GSE1: variants seen among roughly 807,000 people sequenced by gnomAD.
GSE1 encodes the protein genetic suppressor element 1.
In GSE1, 32 loss-of-function variants were observed where a neutral mutation model predicts 112.6. The observed-to-expected ratio is 0.28, with a 90% CI of 0.21 to 0.38. GSE1 has a LOEUF of 0.38. Among genes scored for constraint, GSE1 ranks in the 10% least tolerant of loss-of-function variants. GSE1 has a pLI of 1.00. For synonymous variants in GSE1, 1,115 were observed against 735.6 expected (o/e 1.52, Z -8.35); for missense variants, 2,348 against 1,699.2 (o/e 1.38, Z -6.71).
chr16:85,645,699 A>C (rs941450702), intron 2 of GSE1, among the ~76,000 whole-genome samples: 1 of 152,204 alleles, frequency 6.6e-6, no homozygotes, highest in Non-Finnish European at 1.5e-5. Flanking sequence ...AGGGGAGATG[A>C]GGCTGCTTCT....
At chr16:85,500,829 A>G (rs76831020) in intron 2 of GSE1, among the ~76,000 whole-genome samples, 6,266 of 152,002 alleles carry the variant, frequency 0.041, 403 homozygotes, top group African/African-American at 0.14. Context: ...TGCTCCCTCT[A>G]AAGGCCCCAA....
upstream of GSE1, among the ~76,000 whole-genome samples, chr16:85,609,637 C>T (rs2047876153): frequency 6.6e-6 from 1 of 152,080 alleles, no homozygotes; most frequent in Non-Finnish European, 1.5e-5. Context: ...TCATGTTCAT[C>T]TGAGATGGAA....
At chr16:85,204,108 C>G (rs1040187491) in intron 1 of GSE1, among the ~76,000 whole-genome samples, 3 of 152,204 alleles carry the variant, frequency 2.0e-5, no homozygotes, top group African/African-American at 7.2e-5. Flanking sequence ...ATACCCATAC[C>G]TGTTAAGCTG....
chr16:85,657,133 C>G (rs758398920), intron 7 of GSE1, 144 bp from the exon 8 acceptor site: 2 of 567,604 alleles, frequency 3.5e-6, no homozygotes, highest in Non-Finnish European at 6.0e-6. Flanking sequence ...CCGTAGGGCC[C>G]CTTCTGAATA....
Position 85,661,251 on chromosome 16 carries a change from G to C in GSE1, c.1746G>C (p.Thr582=). ...AGCCCCAGCTCCATGCTGCACCCACGGCCCTCTGGAACCCCGTGTCCCTGA... is the reference window on the plus strand; with the variant it reads ...AGCCCCAGCTCCATGCTGCACCCACCGCCCTCTGGAACCCCGTGTCCCTGA... ...SPKPQLHAAP[T]ALWNPVSLMD... is the part of the protein sequence containing the mutation. Residue 582 remains threonine, a synonymous_variant, in exon 9 of 16, where the codon ACG becomes ACC. Transcript: ENST00000253458. 1 of 1,612,942 alleles carries C rather than the reference G, an allele frequency of 6.2e-7. No homozygotes were observed. The highest frequency in any genetic ancestry group is 8.5e-7 in the Non-Finnish European group (1 of 1,179,978).
At chr16:85,338,288 G>A (rs940261625) in intron 1 of GSE1, among the ~76,000 whole-genome samples, 1 of 152,226 alleles carries the variant, frequency 6.6e-6, no homozygotes. Context: ...GCATTCAGCT[G>A]GTGAACCTCT....
intron 1 of GSE1, among the ~76,000 whole-genome samples, chr16:85,298,913 T>A (rs997633550): frequency 2.0e-5 from 3 of 152,310 alleles, no homozygotes; most frequent in African/African-American, 7.2e-5. Context: ...GTGGACGGGC[T>A]TTCTCCTTGG....
chr16:85,485,352 A>C (rs1031304680), intron 2 of GSE1, among the ~76,000 whole-genome samples: 1 of 152,204 alleles, frequency 6.6e-6, no homozygotes, highest in African/African-American at 2.4e-5. Flanking sequence ...GGTCCCGTGC[A>C]GCCGTTGTAC....
intron 1 of GSE1, among the ~76,000 whole-genome samples, chr16:85,565,145 A>C (rs2045686340): frequency 6.6e-6 from 1 of 152,048 alleles, no homozygotes; most frequent in Admixed American, 6.6e-5. Flanking sequence ...TTATCCCAGC[A>C]CTTTGGGAAC....
intron 1 of GSE1, among the ~76,000 whole-genome samples, chr16:85,265,781 C>T (rs975808880): frequency 8.5e-5 from 13 of 152,152 alleles, no homozygotes; most frequent in African/African-American, 2.9e-4. Flanking sequence ...ACATCCCATG[C>T]ATCGCCGGGG....
At chr16:85,351,380 C>A (rs1221583733) in intron 1 of GSE1, among the ~76,000 whole-genome samples, 3 of 152,144 alleles carry the variant, frequency 2.0e-5, no homozygotes, top group African/African-American at 7.2e-5. Flanking sequence ...ATGGTGCTAA[C>A]TTTAAAAAGA....
At chr16:85,432,394 C>T (rs1373473141) in intron 2 of GSE1, among the ~76,000 whole-genome samples, 3 of 152,224 alleles carry the variant, frequency 2.0e-5, no homozygotes, top group Non-Finnish European at 4.4e-5. Flanking sequence ...ACTTCACAGG[C>T]AACGAGAGAC....
At chr16:85,198,553 T>A (rs2143526599) in intron 1 of GSE1, among the ~76,000 whole-genome samples, 1 of 150,482 alleles carries the variant, frequency 6.6e-6, no homozygotes, top group African/African-American at 2.5e-5. Context: ...AGGGTCGGGA[T>A]GGGGGTAGCC....
At chr16:85,627,044 C>CTTTTTTTTT (rs564272210) in intron 1 of GSE1, among the ~76,000 whole-genome samples, 345 of 25,058 alleles carry the variant, frequency 0.014, 61 homozygotes, top group African/African-American at 0.026. Context: ...TTCTTCTTGC[C>CTTTTTTTTT]TTTTTTTTTT....
chr16:85,662,745 C>G (rs1042940952), intron 9 of GSE1: 1 of 525,660 alleles, frequency 1.9e-6, no homozygotes, highest in Non-Finnish European at 3.4e-6. Flanking sequence ...CCCAGGGGAC[C>G]ACCCAGCTAC....
chr16:85,270,786 G>A (rs1239895701), intron 1 of GSE1, among the ~76,000 whole-genome samples: 1 of 152,084 alleles, frequency 6.6e-6, no homozygotes, highest in Non-Finnish European at 1.5e-5. Context: ...TCCTTATGAG[G>A]TCTCGCCATC....
chr16:85,329,263 C>T (rs936959229), intron 1 of GSE1, among the ~76,000 whole-genome samples: 2 of 152,174 alleles, frequency 1.3e-5, no homozygotes, highest in East Asian at 3.9e-4. Flanking sequence ...GGGGTGGACG[C>T]TGGCTGCCTC....
At chr16:85,344,023 T>C (rs1239320036) in intron 1 of GSE1, among the ~76,000 whole-genome samples, 1 of 152,152 alleles carries the variant, frequency 6.6e-6, no homozygotes, top group African/African-American at 2.4e-5. Context: ...CATGGCTCCT[T>C]ACATAACTCA....
intron 1 of GSE1, among the ~76,000 whole-genome samples, chr16:85,349,290 C>T (rs2046806295): frequency 6.6e-6 from 1 of 152,120 alleles, no homozygotes. Flanking sequence ...GGAGCTATTA[C>T]AGGGAATTAA....
Sources: allele counts gnomAD v4.1 joint callset (sites outside exome capture counted in the v4.1 genomes callset), GRCh38; gene constraint gnomAD v4.1.1; transcripts MANE v1.5; gene names NCBI Gene and HGNC (gene_info 2026-07-23, HGNC 2026-07-21).